Variants in CRX observed in about 807,000 individuals in gnomAD.
CRX encodes cone-rod homeobox.
Under a neutral mutation model 13.1 loss-of-function variants are expected in CRX, and 5 were observed. The observed-to-expected ratio is 0.38, with a 90% confidence interval of 0.20 to 0.80. The LOEUF (loss-of-function observed/expected upper bound fraction) is 0.80. CRX is among the 30% of genes least tolerant of loss of function. CRX has a pLI of 0.43. For missense variants in CRX, 351 were observed against 391.8 expected, an observed-to-expected ratio of 0.90 and a Z score of 0.88; for synonymous variants, 179 against 171.1, an observed-to-expected ratio of 1.05 and a Z score of -0.36.
At chr19:47,837,942 GT>G (rs35618416) in intron 3 of CRX, among the ~76,000 whole-genome samples, 26,826 of 152,030 alleles carry the variant, frequency 0.18, 2,620 homozygotes, top group Non-Finnish European at 0.22. Context: ...GTGTATGTAT[GT>G]ATAATTGTAT....
chr19:47,839,206 A>T lies in CRX; in HGVS notation c.253-114A>T. The stretch of plus-strand genomic sequence containing the variant: ...CGCCCCACAGCTGGATGCAAAGTAG[A>T]CAGATGTGAACCCAGCACCTCTCAC... On this transcript the variant is annotated intron_variant, in intron 3 of 3. Coordinates refer to ENST00000221996, the MANE Select transcript of CRX (RefSeq NM_000554.6). The surrounding 1 kb of genome is among the most constrained non-coding windows in gnomAD (Gnocchi z 4.6). 1 of 1,142,166 alleles carries T rather than the reference A, an allele frequency of 8.8e-7. No homozygotes were observed. Among genetic ancestry groups the T allele is most frequent in the Non-Finnish European group, 1.2e-6 (1 of 803,272 alleles). 70.8% of individuals were successfully genotyped at this position (1,142,166 alleles called of 1,614,324 possible).
rs1030397337 is a variant in CRX, at chr19:47,828,806, T to C, written c.-35-5603T>C. 2.6e-5 allele frequency among the ~76,000 whole-genome samples: 4 copies of C among 151,712 alleles called. No individual in the cohort carries two copies. In the East Asian group the frequency reaches 7.7e-4, roughly 29 times the overall value. Reference sequence around the variant, plus strand: ...GGTGAGAGGTTTTCTGAGTCCATCCTAATGAGGGCAATGAGGAACCCTCAG... The same window carrying C: ...GGTGAGAGGTTTTCTGAGTCCATCCCAATGAGGGCAATGAGGAACCCTCAG... On this transcript the variant is annotated intron_variant, in intron 1 of 3. Coordinates refer to ENST00000221996, the MANE Select transcript of CRX (RefSeq NM_000554.6).
At chr19:47,828,961 C>A (rs769964478) in intron 1 of CRX, among the ~76,000 whole-genome samples, 40 of 146,094 alleles carry the variant, frequency 2.7e-4, no homozygotes, top group South Asian at 1.6e-3. Context: ...GTAATCCAAA[C>A]TATAGAGACA....
At chr19:47,829,075 G>T (rs1043967776) in intron 1 of CRX, among the ~76,000 whole-genome samples, 5 of 152,024 alleles carry the variant, frequency 3.3e-5, no homozygotes, top group African/African-American at 1.2e-4. Context: ...TTCTACACAT[G>T]AGTAAAATCA....
intron 1 of CRX, among the ~76,000 whole-genome samples, chr19:47,824,800 A>G (rs1334134305): frequency 6.6e-6 from 1 of 152,004 alleles, no homozygotes; most frequent in East Asian, 1.9e-4. Context: ...TCCCAGGTTG[A>G]TCCCCAGGGC....
intron 1 of CRX, among the ~76,000 whole-genome samples, chr19:47,832,647 A>C (rs1415505506): frequency 6.7e-6 from 1 of 149,576 alleles, no homozygotes; most frequent in Non-Finnish European, 1.5e-5. Flanking sequence ...CCCTGTGCCC[A>C]GCTAATTTTT....
chr19:47,834,374 G>T (rs1313788883), intron 1 of CRX, 35 bp from the exon 2 acceptor site: 3 of 1,176,480 alleles, frequency 2.5e-6, no homozygotes, highest in Non-Finnish European at 3.8e-6. Flanking sequence ...TGAGTAACTG[G>T]TAAGTGAGTG....
chr19:47,837,892 A>G (rs11083900), intron 3 of CRX, among the ~76,000 whole-genome samples: 97,659 of 152,040 alleles, frequency 0.64, 32,313 homozygotes, highest in African/African-American at 0.72. Context: ...AGGTATGTAT[A>G]TATGATCAGA....
chr19:47,835,620 G>GTTTTTTTTTTTTTTTTTTTT (rs34872129), intron 2 of CRX, among the ~76,000 whole-genome samples: 2 of 102,212 alleles, frequency 2.0e-5, no homozygotes, highest in African/African-American at 8.2e-5. Flanking sequence ...TTTAGCTCTT[G>GTTTTTTTTTTTTTTTTTTTT]TTTTTTTTTT....
intron 1 of CRX, among the ~76,000 whole-genome samples, chr19:47,823,072 G>A (rs1175186553): frequency 6.6e-6 from 1 of 152,028 alleles, no homozygotes; most frequent in African/African-American, 2.4e-5. Flanking sequence ...CTGGGATTAT[G>A]GGTATGAGCC....
intron 1 of CRX, among the ~76,000 whole-genome samples, chr19:47,825,765 C>A (rs532854789): frequency 3.2e-4 from 46 of 143,536 alleles, no homozygotes; most frequent in Non-Finnish European, 4.6e-4. Context: ...ACTAAAAATA[C>A]AAAAAAAAAA....
Position 47,824,175 on chromosome 19 carries a change from C to T in CRX, c.-36+2165C>T, listed in dbSNP as rs147819706. ...CCTAGGTAGACTTGGGGGTGAAGAG[C>T]GGGGCTCGGGGGCCAAAGAGATTTA... On this transcript the variant is annotated intron_variant, in intron 1 of 3. Coordinates refer to ENST00000221996, the MANE Select transcript of CRX (RefSeq NM_000554.6). Among the ~76,000 whole-genome samples, 22 of 152,284 alleles carry T rather than the reference C, an allele frequency of 1.4e-4. No individual in the cohort carries two copies. In the East Asian group the frequency reaches 3.7e-3, roughly 25 times the overall value.
intron 1 of CRX, among the ~76,000 whole-genome samples, chr19:47,832,654 T>G (rs985705180): frequency 6.6e-6 from 1 of 151,430 alleles, no homozygotes; most frequent in African/African-American, 2.4e-5. Context: ...CCCAGCTAAT[T>G]TTTGTATTTT....
At chr19:47,834,845 C>T (rs962439344) in intron 2 of CRX, among the ~76,000 whole-genome samples, 1 of 152,134 alleles carries the variant, frequency 6.6e-6, no homozygotes, top group Non-Finnish European at 1.5e-5. Context: ...AGGTCTCACA[C>T]TCTGTCACCC....
At chr19:47,838,382 T>G (rs1018361925) in intron 3 of CRX, among the ~76,000 whole-genome samples, 1 of 152,122 alleles carries the variant, frequency 6.6e-6, no homozygotes. Flanking sequence ...GATGGATAAA[T>G]GAAATGTGTG....
At position 47,842,550 on chromosome 19, in the gene CRX, C is replaced by G. The variant is rs1332798989; in HGVS notation, c.*2583C>G. ...AGAGCAGAGATTGTGCCACTGTGCT[C>G]TAGCCTGGGTCACAAGAGCGAAACT... On this transcript the variant is annotated 3_prime_UTR_variant, in exon 4 of 4. Transcript: ENST00000221996. 6.6e-6 allele frequency: 1 copy of G among 152,198 alleles called. No individual in the cohort carries two copies. 9.4% of individuals were successfully genotyped at this position (152,198 alleles called of 1,614,324 possible).
chr19:47,831,551 G>C (rs562679462), intron 1 of CRX, among the ~76,000 whole-genome samples: 17 of 151,884 alleles, frequency 1.1e-4, no homozygotes, highest in Non-Finnish European at 2.2e-4. Flanking sequence ...GAAAATCTAA[G>C]GCACTGCCCA....
rs11374819 is a variant in CRX at position 47,824,990 on chromosome 19, A to ATTTTTTTTTTTT, written c.-36+2987_-36+2998dup. 2.0e-5 allele frequency among the ~76,000 whole-genome samples: 2 copies of ATTTTTTTTTTTT among 100,404 alleles called. 1 individual carries two copies. The allele number at this position is 100,404 out of a possible 152,430, so 65.9% of individuals were successfully genotyped here. A position where few individuals can be genotyped will look rare whatever the true frequency, so the allele number is the denominator to read the frequency against. On this transcript the variant is annotated intron_variant, in intron 1 of 3. Coordinates refer to ENST00000221996, the MANE Select transcript of CRX (RefSeq NM_000554.6). ...AGACAGGTCCTCTTTCGATTGATTG[A>ATTTTTTTTTTTT]TTTTTTTTTTTTTTTTTTGGGATGG... is the stretch of plus-strand genomic sequence containing the variant.
chr19:47,825,980 T>G (rs1262995590), intron 1 of CRX, among the ~76,000 whole-genome samples: 1 of 152,170 alleles, frequency 6.6e-6, no homozygotes, highest in Admixed American at 6.5e-5. Flanking sequence ...TGAGCTTTCT[T>G]GGCTTTCCTG....
Sources: allele counts gnomAD v4.1 joint callset (sites outside exome capture counted in the v4.1 genomes callset), GRCh38; gene constraint gnomAD v4.1.1; non-coding constraint Gnocchi (gnomAD v3.1); transcripts MANE v1.5; gene names NCBI Gene and HGNC (gene_info 2026-07-23, HGNC 2026-07-21).